Variants in THTPA observed in about 807,000 individuals in gnomAD.
THTPA encodes the protein thiamine triphosphatase.
A neutral mutation model predicts 16.5 loss-of-function variants in THTPA; 16 were observed. That is an observed-to-expected ratio of 0.97 (90% CI 0.66 to 1.47). The LOEUF (loss-of-function observed/expected upper bound fraction) is 1.47, where lower values mean the gene tolerates loss of function less well. THTPA is among the 40% of genes most tolerant of loss of function. THTPA has a pLI of 0.00. For synonymous variants in THTPA, 110 were observed against 115.5 expected (o/e 0.95, Z 0.30); for missense variants, 281 against 280.9 (o/e 1.00, Z 0.00).
the THTPA span, chr14:23,534,444 T>A: frequency 2.0e-6 from 3 of 1,536,556 alleles, no homozygotes; most frequent in Non-Finnish European, 2.6e-6. The surrounding 1 kb of genome is among the most constrained non-coding windows in gnomAD (Gnocchi z 4.5). Flanking sequence ...CAGGGAGTTT[T>A]GGCTCCAGAA....
chr14:23,516,373 G>A, the THTPA span, among the ~76,000 whole-genome samples: 1 of 152,166 alleles, frequency 6.6e-6, no homozygotes, highest in Non-Finnish European at 1.5e-5. Context: ...TGTTTGTTGT[G>A]GGGTGTGTGT....
chr14:23,559,718 CAGG>C lies in THTPA; in HGVS notation c.*881_*883del, dbSNP rs765398989. The stretch of plus-strand genomic sequence containing the variant: ...CTGGGGCCCCCTGGGGTTTGGGACA[CAGG>C]AGAATTTCAGGCTGTGAGTGGAGAC... On this transcript the variant is annotated 3_prime_UTR_variant, in exon 2 of 2. Coordinates refer to ENST00000288014, the MANE Select transcript of THTPA (RefSeq NM_024328.6). The C allele has an allele frequency of 1.6e-5, 26 of 1,609,946 alleles. No individual in the cohort carries two copies. The South Asian group carries it at 2.4e-4, about 15-fold the overall frequency.
At chr14:23,524,599 C>T in the THTPA span, 7 of 1,536,152 alleles carry the variant, frequency 4.6e-6, no homozygotes, top group Admixed American at 5.9e-5. The surrounding 1 kb of genome is among the most constrained non-coding windows in gnomAD (Gnocchi z 5.6). Flanking sequence ...TCAGGAGGTC[C>T]TGGCTGGAGA....
intron 1 of THTPA, 92 bp downstream of exon 1, chr14:23,557,396 G>A (rs1595215051): frequency 7.3e-7 from 1 of 1,372,626 alleles, no homozygotes; most frequent in East Asian, 2.6e-5. Context: ...GAGGGCCTCC[G>A]GATTAAAAAT....
the THTPA span, among the ~76,000 whole-genome samples, chr14:23,520,469 T>C: frequency 6.6e-6 from 1 of 152,070 alleles, no homozygotes; most frequent in Non-Finnish European, 1.5e-5. This position sits in a 1 kb window ranked among gnomAD's most constrained non-coding sequence, Gnocchi z 8.7. Flanking sequence ...GAGAAGCAGA[T>C]CTCAGATTCA....
chr14:23,526,748 C>T, the THTPA span: 1 of 1,533,028 alleles, frequency 6.5e-7, no homozygotes, highest in East Asian at 2.4e-5. Flanking sequence ...CCACTCAATA[C>T]CAAGGCAGTT....
chr14:23,533,152 G>A, the THTPA span: 3 of 1,459,668 alleles, frequency 2.1e-6, no homozygotes, highest in Non-Finnish European at 2.7e-6. The surrounding 1 kb of genome is among the most constrained non-coding windows in gnomAD (Gnocchi z 4.8). Flanking sequence ...TATGTGGGGA[G>A]GTGGGTTAAT....
the THTPA span, chr14:23,531,842 A>G: frequency 8.3e-7 from 1 of 1,206,154 alleles, no homozygotes; most frequent in South Asian, 4.0e-5. Flanking sequence ...CAGTGGCATG[A>G]TCTCTACTCA....
At position 23,557,230 on chromosome 14, in the gene THTPA, T is replaced by C. The variant is rs1343413174; in HGVS notation, c.473T>C (p.Val158Ala). The C allele has an allele frequency of 3.7e-6, 6 of 1,613,354 alleles. No homozygotes were observed. Among genetic ancestry groups the C allele is most frequent in the Middle Eastern group, 3.3e-4 (2 of 6,058 alleles). The part of the protein sequence containing the change: ...TADFGYAVGE[V>A]EALVHEEAEV... The stretch of plus-strand genomic sequence containing the variant: ...GACTTTGGCTACGCTGTGGGTGAGG[T>C]AGAGGCCCTGGTGCATGAGGAGGCT... Residue 158 changes from valine to alanine, a missense_variant, in exon 1 of 2, where the codon GTA (valine) becomes GCA (alanine). Physicochemically the swap from Val to Ala is moderately conservative, Grantham distance 64. Transcript: ENST00000288014.
chr14:23,554,433 C>A (rs539995891), upstream of THTPA, among the ~76,000 whole-genome samples: 82 of 152,142 alleles, frequency 5.4e-4, no homozygotes, highest in Middle Eastern at 3.4e-3. Flanking sequence ...GGAGTGCAGG[C>A]AGTAGCAGGA....
the THTPA span, chr14:23,523,566 G>A: frequency 6.5e-7 from 1 of 1,540,256 alleles, no homozygotes; most frequent in Non-Finnish European, 8.7e-7. The surrounding 1 kb of genome is among the most constrained non-coding windows in gnomAD (Gnocchi z 4.1). Flanking sequence ...GCTGTCCCCT[G>A]TAGTTTGGCC....
Position 23,556,673 on chromosome 14 carries a change from A to T in THTPA, c.-85A>T. 1 of 1,445,258 alleles carries T rather than the reference A, an allele frequency of 6.9e-7. No homozygotes were observed. Among genetic ancestry groups the T allele is most frequent in the Non-Finnish European group, 9.3e-7 (1 of 1,072,048 alleles). The allele number at this position is 1,445,258 out of a possible 1,614,324, so 89.5% of individuals were successfully genotyped here. ...AAGTTTTTCCAGGGAGGGGTTCTGTACTGAGTTGACGCCCCAGGAGCTGAG... is the reference window on the plus strand; with the variant it reads ...AAGTTTTTCCAGGGAGGGGTTCTGTTCTGAGTTGACGCCCCAGGAGCTGAG... On this transcript the variant is annotated 5_prime_UTR_variant, in exon 1 of 2. Coordinates refer to ENST00000288014, the MANE Select transcript of THTPA (RefSeq NM_024328.6).
the THTPA span, chr14:23,543,014 C>G: frequency 6.6e-6 from 1 of 152,166 alleles, no homozygotes; most frequent in Non-Finnish European, 1.5e-5. Context: ...TGAGCCACTG[C>G]GCCCGGCTGG....
the THTPA span, chr14:23,529,580 T>C: frequency 1.0e-6 from 1 of 969,884 alleles, no homozygotes; most frequent in Admixed American, 2.1e-5. Flanking sequence ...CTGGGTGGAA[T>C]TTCTTAACTG....
chr14:23,523,981 G>T, the THTPA span: 1 of 1,528,080 alleles, frequency 6.5e-7, no homozygotes, highest in African/African-American at 1.4e-5. The surrounding 1 kb of genome is among the most constrained non-coding windows in gnomAD (Gnocchi z 4.1). Flanking sequence ...TTGGGGTGGT[G>T]GCCTCTTTCC....
the THTPA span, chr14:23,514,118 G>A: frequency 6.6e-6 from 1 of 152,550 alleles, no homozygotes; most frequent in African/African-American, 2.4e-5. Context: ...GAACAGGGGA[G>A]GTTGACAGTG....
the THTPA span, chr14:23,529,403 T>G: frequency 2.3e-5 from 8 of 345,206 alleles, no homozygotes; most frequent in Admixed American, 3.5e-4. Context: ...TTTGCCTTTC[T>G]CCTCCCCTCC....
Position 23,558,758 on chromosome 14 carries a change from A to G in THTPA, c.611A>G (p.Gln204Arg). 6.2e-7 allele frequency: 1 copy of G among 1,614,220 alleles called. No individual in the cohort carries two copies. The highest frequency in any genetic ancestry group is 8.5e-7 in the Non-Finnish European group (1 of 1,180,046). ...GTGTATCTACAGCGTTTCCGGCCTC[A>G]AGACTATCAGCGCCTGCTAGAAGTG... ...LIVYLQRFRP[Q>R]DYQRLLEVNS... Residue 204 changes from glutamine to arginine, a missense_variant, in exon 2 of 2, where the codon CAA (glutamine) becomes CGA (arginine). Physicochemically the swap from Gln to Arg is conservative, Grantham distance 43 (BLOSUM62 1). Coordinates refer to ENST00000288014, the MANE Select transcript of THTPA (RefSeq NM_024328.6).
the THTPA span, chr14:23,527,649 G>A: frequency 6.5e-7 from 1 of 1,536,448 alleles, no homozygotes; most frequent in Non-Finnish European, 8.7e-7. Context: ...CGTTGTGAAG[G>A]TGGCTAAGGT....
Sources: allele counts gnomAD v4.1 joint callset (sites outside exome capture counted in the v4.1 genomes callset), GRCh38; gene constraint gnomAD v4.1.1; non-coding constraint Gnocchi (gnomAD v3.1); transcripts MANE v1.5; gene names NCBI Gene and HGNC (gene_info 2026-07-23, HGNC 2026-07-21).